Variants in RICTOR observed in about 807,000 individuals in gnomAD.
RICTOR encodes rapamycin-insensitive companion of mTOR.
A neutral mutation model predicts 214.9 loss-of-function variants in RICTOR; 49 were observed. The observed-to-expected ratio is 0.23, with a 90% CI of 0.18 to 0.29. The LOEUF is 0.29. Among genes scored for constraint, RICTOR ranks in the 10% least tolerant of loss-of-function variants. The probability of loss-of-function intolerance (pLI) is 1.00; values close to 1 mark genes in which losing one functional copy is unlikely to be tolerated. For missense variants in RICTOR, 1,625 were observed against 2,047.0 expected, an observed-to-expected ratio of 0.79 and a Z score of 3.98; for synonymous variants, 717 against 711.3, an observed-to-expected ratio of 1.01 and a Z score of -0.13.
intron 2 of RICTOR, among the ~76,000 whole-genome samples, chr5:39,023,153 A>G (rs35359857): frequency 0.16 from 24,624 of 152,060 alleles, 2,480 homozygotes; most frequent in Admixed American, 0.24. Flanking sequence ...CGGATTTCTT[A>G]TCCAAAACAG....
At chr5:38,975,654 A>G (rs1181192765) in intron 9 of RICTOR, 50 bp from the exon 10 acceptor site, 15 of 1,436,626 alleles carry the variant, frequency 1.0e-5, no homozygotes, top group Non-Finnish European at 1.4e-5. Flanking sequence ...TAAAATGTTA[A>G]AATGAGTTTT....
Position 38,941,501 on chromosome 5 carries a change from A to C in RICTOR, c.*803T>G. On this transcript the variant is annotated 3_prime_UTR_variant, in exon 38 of 38. Coordinates refer to ENST00000357387, the MANE Select transcript of RICTOR (RefSeq NM_152756.5). Reference sequence around the variant, plus strand: ...AGCGATGAGATGGAAAGTTGATGAAAGTGGAAGTCCATTGCAAATATATGC... The same window carrying C: ...AGCGATGAGATGGAAAGTTGATGAACGTGGAAGTCCATTGCAAATATATGC... 4.3e-6 allele frequency: 1 copy of C among 231,624 alleles called. No homozygotes were observed. Among genetic ancestry groups the C allele is most frequent in the Non-Finnish European group, 8.6e-6 (1 of 116,788 alleles). 14.3% of individuals were successfully genotyped at this position (231,624 alleles called of 1,614,324 possible).
chr5:39,022,708 TTAAC>T lies in RICTOR; in HGVS notation c.98-1576_98-1573del, dbSNP rs1341004905. Reference sequence around the variant, plus strand: ...TTCCAAGAAATGACACAGGAACATCTTAACTAACAAAAGCATCAGACAAACTTAA... The same window carrying T: ...TTCCAAGAAATGACACAGGAACATCTTAACAAAAGCATCAGACAAACTTAA... On this transcript the variant is annotated intron_variant, in intron 2 of 37. Transcript: ENST00000357387. 3 of 152,204 alleles carry T rather than the reference TTAAC, an allele frequency of 2.0e-5. No individual in the cohort carries two copies. The East Asian group carries it at 5.8e-4, about 29-fold the overall frequency. 9.4% of individuals were successfully genotyped at this position (152,204 alleles called of 1,614,324 possible).
intron 2 of RICTOR, among the ~76,000 whole-genome samples, chr5:39,049,349 T>C (rs941756832): frequency 1.3e-5 from 2 of 152,222 alleles, no homozygotes; most frequent in African/African-American, 4.8e-5. Context: ...ATAATAATTA[T>C]GTTTTATATA....
intron 8 of RICTOR, chr5:38,981,652 A>G (rs1203077694): frequency 4.9e-6 from 2 of 406,052 alleles, no homozygotes; most frequent in Non-Finnish European, 8.7e-6. Context: ...ATACAAAAAT[A>G]AAATTTACAC....
In RICTOR at chr5:38,985,756, C is replaced by T. The variant is rs374281615; in HGVS notation, c.584-3720G>A. 2.8e-4 allele frequency among the ~76,000 whole-genome samples: 42 copies of T among 151,488 alleles called. No homozygotes were observed. In the East Asian group the frequency reaches 3.5e-3, roughly 13 times the overall value. On this transcript the variant is annotated intron_variant, in intron 7 of 37. Coordinates refer to ENST00000357387, the MANE Select transcript of RICTOR (RefSeq NM_152756.5). ...TGTCACCCAGGCTGGAATGCAGTGG[C>T]GCAATCTCGGCTCACTGCAACCTCC... is the stretch of plus-strand genomic sequence containing the variant.
At chr5:39,033,392 T>G (rs1756413880) in intron 2 of RICTOR, among the ~76,000 whole-genome samples, 1 of 152,086 alleles carries the variant, frequency 6.6e-6, no homozygotes, top group South Asian at 2.1e-4. Context: ...GCCTCCTGAG[T>G]AGCTGGGATT....
Position 38,942,954 on chromosome 5 carries a change from G to A in RICTOR, c.4931C>T (p.Pro1644Leu), listed in dbSNP as rs2112785730. 6.2e-7 allele frequency: 1 copy of A among 1,604,604 alleles called. No individual in the cohort carries two copies. The highest frequency in any genetic ancestry group is 8.5e-7 in the Non-Finnish European group (1 of 1,171,552). The change falls in exon 37 of 38, where the codon CCT becomes CTT. Residue 1644 changes from proline (P) to leucine (L), a missense_variant. Around this residue, in one of 5 missense-constraint regions of RICTOR, gnomAD observed 44 missense variants for 90.1 expected, o/e 0.49. Transcript: ENST00000357387. ...TGLLTIKEKYPQTFDDICLYS... is the reference protein window; with the variant it reads ...TGLLTIKEKYLQTFDDICLYS... ...AAGGCATATGTCATCAAATGTTTGA[G>A]GATACTTCTCCTTAATTCTAAAATA...
At chr5:39,030,708 C>T (rs1342784733) in intron 2 of RICTOR, among the ~76,000 whole-genome samples, 1 of 152,114 alleles carries the variant, frequency 6.6e-6, no homozygotes, top group Non-Finnish European at 1.5e-5. Flanking sequence ...GTCTCTGCCA[C>T]ACAGTAGGCT....
intron 2 of RICTOR, among the ~76,000 whole-genome samples, chr5:39,025,393 A>G (rs2150141970): frequency 6.6e-6 from 1 of 152,376 alleles, no homozygotes; most frequent in African/African-American, 2.4e-5. Flanking sequence ...CCAGGGACTG[A>G]AAAACATTTT....
rs988171565 is a variant in RICTOR, at chr5:38,971,939, G to T, written c.910C>A (p.Pro304Thr). ...AGAGACTGGATCCCAGAATTTCCAGGTTTACATAAATTAATAATACCTAAA... is the reference window on the plus strand; with the variant it reads ...AGAGACTGGATCCCAGAATTTCCAGTTTTACATAAATTAATAATACCTAAA... ...SWAGIINLCKPGNSGIQSLIG... is the reference protein window; with the variant it reads ...SWAGIINLCKTGNSGIQSLIG... The change falls in exon 11 of 38, where the codon CCT (proline) becomes ACT (threonine). Residue 304 changes from proline to threonine, a missense_variant. Transcript: ENST00000357387. 11 of 1,456,432 alleles carry T rather than the reference G, an allele frequency of 7.6e-6. No individual in the cohort carries two copies. The highest frequency in any genetic ancestry group is 1.8e-5 in the Admixed American group (1 of 57,102). 90.2% of individuals were successfully genotyped at this position (1,456,432 alleles called of 1,614,324 possible).
Position 39,056,960 on chromosome 5 carries a change from T to C in RICTOR, c.97+17151A>G, listed in dbSNP as rs75038485. Among the ~76,000 whole-genome samples the C allele has an allele frequency of 6.9e-3, 1,058 of 152,304 alleles. 53 individuals are homozygous for C. In the East Asian group the frequency reaches 0.12, roughly 18 times the overall value. The stretch of plus-strand genomic sequence containing the variant: ...CAGGGACTAGATTACAATGACAGTA[T>C]TGCATATAGTGGCAATTTATTTAAA... On this transcript the variant is annotated intron_variant, in intron 2 of 37. Coordinates refer to ENST00000357387, the MANE Select transcript of RICTOR (RefSeq NM_152756.5).
chr5:38,975,164 TA>T (rs1751107031), intron 10 of RICTOR, among the ~76,000 whole-genome samples: 1 of 152,226 alleles, frequency 6.6e-6, no homozygotes, highest in South Asian at 2.1e-4. Context: ...GCTTATTTTG[TA>T]TCTATGACAC....
chr5:38,977,406 A>G (rs914923889), intron 9 of RICTOR, among the ~76,000 whole-genome samples: 14 of 152,128 alleles, frequency 9.2e-5, no homozygotes, highest in African/African-American at 2.9e-4. Flanking sequence ...CAATAAGAGA[A>G]TGTCTATATT....
chr5:39,021,145 A>T lies in RICTOR; in HGVS notation c.98-9T>A. On this transcript the variant is annotated splice_polypyrimidine_tract_variant and intron_variant, in intron 2 of 37. Transcript: ENST00000357387. ...TAAGTTATCAGAAGGTTCTAGAAGG[A>T]AAGACAAGACAATTTAACACAATTT... 9 of 1,419,050 alleles carry T rather than the reference A, an allele frequency of 6.3e-6. No homozygotes were observed. The highest frequency in any genetic ancestry group is 9.0e-6 in the Non-Finnish European group (9 of 1,002,170). 87.9% of individuals were successfully genotyped at this position (1,419,050 alleles called of 1,614,324 possible).
chr5:38,954,679 G>A, intron 27 of RICTOR, 95 bp downstream of exon 27: 1 of 738,498 alleles, frequency 1.4e-6, no homozygotes. Context: ...TAAAGCTTTT[G>A]AGAAGTTTTT....
At chr5:38,998,208 C>A (rs1753319514) in intron 5 of RICTOR, among the ~76,000 whole-genome samples, 1 of 152,212 alleles carries the variant, frequency 6.6e-6, no homozygotes, top group African/African-American at 2.4e-5. Context: ...AAACTTAACT[C>A]TCTTACAAGG....
At chr5:38,982,891 T>C (rs925104526) in intron 7 of RICTOR, among the ~76,000 whole-genome samples, 1 of 152,064 alleles carries the variant, frequency 6.6e-6, no homozygotes, top group Non-Finnish European at 1.5e-5. Context: ...TTTACTCTTT[T>C]TCAAAAATGT....
chr5:39,043,055 T>C (rs1007581740), intron 2 of RICTOR, among the ~76,000 whole-genome samples: 4 of 152,154 alleles, frequency 2.6e-5, no homozygotes, highest in African/African-American at 2.4e-5. Context: ...GAAAATAGTA[T>C]AGAGGTGCCT....
Sources: gnomAD v4.1 joint callset for allele counts (sites outside exome capture counted in the v4.1 genomes callset) on GRCh38, gnomAD v4.1.1 for gene constraint, gnomAD v4.1.1 regional missense constraint, MANE v1.5 for transcripts, NCBI Gene and HGNC (gene_info 2026-07-23, HGNC 2026-07-21) for gene names.